Variants in UNC5C observed in about 807,000 individuals in gnomAD.
UNC5C encodes the protein unc-5 netrin receptor C, also known as netrin receptor UNC5C.
In UNC5C, 47 loss-of-function variants were observed where a neutral mutation model predicts 99.8. The ratio of observed to expected loss-of-function variants is 0.47; its 90% CI spans 0.37 to 0.60. The LOEUF is 0.60. UNC5C is among the 20% of genes least tolerant of loss of function. The pLI is 0.00. For missense variants in UNC5C, 1,062 were observed against 1,165.9 expected (o/e 0.91, Z 1.30); for synonymous variants, 487 against 452.2 (o/e 1.08, Z -0.98).
At chr4:95,386,757 A>G (rs1188562997) in intron 1 of UNC5C, among the ~76,000 whole-genome samples, 2 of 152,188 alleles carry the variant, frequency 1.3e-5, no homozygotes, top group East Asian at 3.9e-4. Flanking sequence ...GGGAAGAACG[A>G]ATGCTGGAGC....
chr4:95,484,830 G>A (rs1255895179), intron 1 of UNC5C, among the ~76,000 whole-genome samples: 1 of 151,770 alleles, frequency 6.6e-6, no homozygotes, highest in Non-Finnish European at 1.5e-5. Flanking sequence ...CTTGGACCAA[G>A]GTTAAAGTAG....
rs761436712 is a variant in UNC5C, at chr4:95,206,693, C to G, written c.1837G>C (p.Ala613Pro). 6 of 1,614,060 alleles carry G rather than the reference C, an allele frequency of 3.7e-6. No individual in the cohort carries two copies. Among genetic ancestry groups the G allele is most frequent in the Non-Finnish European group, 5.1e-6 (6 of 1,180,016 alleles). The change falls in exon 11 of 16, where the codon GCA (alanine) becomes CCA (proline). Residue 613 changes from alanine (A) to proline (P), a missense_variant. Physicochemically the swap from Ala to Pro is conservative, Grantham distance 27. Transcript: ENST00000453304. Reference sequence around the variant, plus strand: ...TTCCAGTCCTCGGTATTGGGGTCTGCGCAGTGATGCATAGTGAGGACGACT... The same window carrying G: ...TTCCAGTCCTCGGTATTGGGGTCTGGGCAGTGATGCATAGTGAGGACGACT... ...RPVVLTMHHCADPNTEDWKIL... is the reference protein window; with the variant it reads ...RPVVLTMHHCPDPNTEDWKIL...
At chr4:95,393,331 G>A (rs1300055547) in intron 1 of UNC5C, among the ~76,000 whole-genome samples, 1 of 152,090 alleles carries the variant, frequency 6.6e-6, no homozygotes, top group Non-Finnish European at 1.5e-5. Flanking sequence ...TTTCCAAGAT[G>A]GAACTTTCGT....
intron 12 of UNC5C, among the ~76,000 whole-genome samples, chr4:95,193,070 C>G (rs1434661936): frequency 5.3e-5 from 8 of 152,196 alleles, no homozygotes; most frequent in Non-Finnish European, 1.2e-4. Context: ...GCGATGAAAT[C>G]CAGGATGTGT....
intron 1 of UNC5C, among the ~76,000 whole-genome samples, chr4:95,362,717 G>A (rs963935688): frequency 1.3e-5 from 2 of 152,168 alleles, no homozygotes; most frequent in South Asian, 4.1e-4. Flanking sequence ...GTTCTTACTT[G>A]TTAAAACACA....
intron 1 of UNC5C, among the ~76,000 whole-genome samples, chr4:95,420,333 T>G (rs1204114667): frequency 6.6e-6 from 1 of 152,164 alleles, no homozygotes; most frequent in Non-Finnish European, 1.5e-5. Flanking sequence ...GTAAGCAATT[T>G]CATTGAGAAT....
intron 2 of UNC5C, among the ~76,000 whole-genome samples, chr4:95,318,366 G>A (rs1406606748): frequency 2.0e-5 from 3 of 152,224 alleles, no homozygotes; most frequent in Admixed American, 1.3e-4. Context: ...GGAGCTCCCC[G>A]AGGAGGGCAG....
At chr4:95,481,340 C>T (rs1721146700) in intron 1 of UNC5C, among the ~76,000 whole-genome samples, 1 of 151,990 alleles carries the variant, frequency 6.6e-6, no homozygotes, top group Non-Finnish European at 1.5e-5. Context: ...CTACAAACCA[C>T]TGCTCAACGA....
intron 12 of UNC5C, among the ~76,000 whole-genome samples, chr4:95,191,101 C>G (rs970401561): frequency 6.6e-6 from 1 of 152,152 alleles, no homozygotes; most frequent in African/African-American, 2.4e-5. Context: ...GAGAGGATCT[C>G]CCCTCGTTAA....
chr4:95,465,194 G>A (rs1444399846), intron 1 of UNC5C, among the ~76,000 whole-genome samples: 1 of 152,166 alleles, frequency 6.6e-6, no homozygotes, highest in Non-Finnish European at 1.5e-5. Flanking sequence ...CACAAAGACA[G>A]AGGAATGCTG....
intron 1 of UNC5C, among the ~76,000 whole-genome samples, chr4:95,423,637 A>C (rs1347586413): frequency 6.6e-6 from 1 of 152,352 alleles, no homozygotes; most frequent in African/African-American, 2.4e-5. Context: ...GAGATAAATC[A>C]CACAGAAGAC....
At chr4:95,494,813 A>G (rs944222528) in intron 1 of UNC5C, among the ~76,000 whole-genome samples, 2 of 151,526 alleles carry the variant, frequency 1.3e-5, no homozygotes, top group South Asian at 2.1e-4. Flanking sequence ...GCAACTTACT[A>G]TGAAATTTTC....
chr4:95,228,201 TA>T (rs1365781081), intron 7 of UNC5C, among the ~76,000 whole-genome samples: 1 of 152,224 alleles, frequency 6.6e-6, no homozygotes, highest in Non-Finnish European at 1.5e-5. Flanking sequence ...AAACAAAATG[TA>T]AATCTTCATT....
chr4:95,199,142 G>A (rs1737551402), intron 12 of UNC5C, among the ~76,000 whole-genome samples: 1 of 152,114 alleles, frequency 6.6e-6, no homozygotes, highest in Non-Finnish European at 1.5e-5. Flanking sequence ...CCTTCAGGAG[G>A]TGTGTTGCAA....
intron 1 of UNC5C, among the ~76,000 whole-genome samples, chr4:95,481,513 A>C (rs564319423): frequency 5.8e-4 from 88 of 152,000 alleles, no homozygotes; most frequent in Admixed American, 1.0e-3. Flanking sequence ...AAACTACTTT[A>C]AAGTTCATAT....
intron 1 of UNC5C, among the ~76,000 whole-genome samples, chr4:95,342,583 G>C (rs1743618955): frequency 6.6e-6 from 1 of 151,848 alleles, no homozygotes; most frequent in South Asian, 2.1e-4. Context: ...TTCAGACTGA[G>C]CACATTCCCA....
At chr4:95,435,280 T>C (rs374631699) in intron 1 of UNC5C, among the ~76,000 whole-genome samples, 1 of 151,432 alleles carries the variant, frequency 6.6e-6, no homozygotes, top group East Asian at 2.0e-4. Context: ...TTTTTCATAA[T>C]GGTACACAGA....
intron 1 of UNC5C, among the ~76,000 whole-genome samples, chr4:95,417,403 G>C (rs1051098163): frequency 6.6e-6 from 1 of 152,076 alleles, no homozygotes; most frequent in Non-Finnish European, 1.5e-5. Context: ...TAAACTTCTA[G>C]TATTTGACAT....
chr4:95,383,625 G>A (rs115804603), intron 1 of UNC5C, among the ~76,000 whole-genome samples: 49 of 152,172 alleles, frequency 3.2e-4, no homozygotes, highest in Middle Eastern at 3.4e-3. Context: ...GCAAACCAGG[G>A]AGATTTCCAT....
Sources: gnomAD v4.1 joint callset for allele counts (sites outside exome capture counted in the v4.1 genomes callset) on GRCh38, gnomAD v4.1.1 for gene constraint, MANE v1.5 for transcripts, NCBI Gene and HGNC (gene_info 2026-07-23, HGNC 2026-07-21) for gene names.